USP8: variants seen among roughly 807,000 people sequenced by gnomAD.
The protein encoded by USP8 is ubiquitin specific peptidase 8.
A neutral mutation model predicts 130.0 loss-of-function variants in USP8; 27 were observed. The ratio of observed to expected loss-of-function variants is 0.21; its 90% CI spans 0.15 to 0.29. The LOEUF (loss-of-function observed/expected upper bound fraction) is 0.29, where lower values mean the gene tolerates loss of function less well. USP8 is among the 10% of genes least tolerant of loss of function. The pLI is 1.00. For synonymous variants in USP8, 392 were observed against 444.1 expected, an observed-to-expected ratio of 0.88 and a Z score of 1.48; for missense variants, 1,029 against 1,312.2, an observed-to-expected ratio of 0.78 and a Z score of 3.33.
intron 11 of USP8, among the ~76,000 whole-genome samples, chr15:50,483,470 AATAAGAT>A (rs1459383362): frequency 6.6e-6 from 1 of 152,232 alleles, no homozygotes; most frequent in African/African-American, 2.4e-5. Flanking sequence ...GTTATTTTAA[AATAAGAT>A]ATAAAACAAA....
chr15:50,476,255 C>A (rs560078960), intron 8 of USP8, among the ~76,000 whole-genome samples: 1 of 152,114 alleles, frequency 6.6e-6, no homozygotes, highest in Admixed American at 6.5e-5. Flanking sequence ...CATGGCGAAA[C>A]CCCAGCTCAC....
intron 7 of USP8, among the ~76,000 whole-genome samples, chr15:50,465,526 A>G (rs1259130193): frequency 2.0e-5 from 3 of 152,126 alleles, no homozygotes; most frequent in Non-Finnish European, 4.4e-5. Flanking sequence ...GGATTTGCCA[A>G]CTTTTGATTT....
At position 50,509,939 on chromosome 15, in the gene USP8, T is replaced by A. The variant is rs1182930283; in HGVS notation, c.*10851T>A. ...AATAAGAATAAAGTTGTGATGGTAA[T>A]GACTTAGGGAATAATGATGGTTCTT... On this transcript the variant is annotated 3_prime_UTR_variant, in exon 20 of 20. Coordinates refer to ENST00000307179, the MANE Select transcript of USP8 (RefSeq NM_005154.5). 7 of 152,122 alleles carry A rather than the reference T, an allele frequency of 4.6e-5. No homozygotes were observed. In the South Asian group the frequency reaches 1.2e-3, roughly 27 times the overall value. 9.4% of individuals were successfully genotyped at this position (152,122 alleles called of 1,614,324 possible). A position where few individuals can be genotyped will look rare whatever the true frequency, so the allele number is the denominator to read the frequency against.
At chr15:50,497,330 T>TA (rs113527256) in intron 18 of USP8, 99 bp downstream of exon 18, 232,537 of 1,408,832 alleles carry the variant, frequency 0.17, 21,255 homozygotes, top group Admixed American at 0.3. Context: ...CATGGGCACA[T>TA]AACAAAGGGC....
rs745649234 is a variant in USP8 at position 50,500,750 on chromosome 15, G to C, written c.*1662G>C. 3.8e-6 allele frequency: 6 copies of C among 1,575,538 alleles called. No individual in the cohort carries two copies. In the South Asian group the frequency reaches 7.0e-5, roughly 18 times the overall value. On this transcript the variant is annotated 3_prime_UTR_variant, in exon 20 of 20. Coordinates refer to ENST00000307179, the MANE Select transcript of USP8 (RefSeq NM_005154.5). ...GAAGTATCTGGAATCTCACTGACTCGTGTGTTATCAAAGCTATATCAGGCC... is the reference window on the plus strand; with the variant it reads ...GAAGTATCTGGAATCTCACTGACTCCTGTGTTATCAAAGCTATATCAGGCC...
At chr15:50,491,519 A>AT (rs1404715136) in intron 14 of USP8, among the ~76,000 whole-genome samples, 1 of 152,106 alleles carries the variant, frequency 6.6e-6, no homozygotes, top group Non-Finnish European at 1.5e-5. Context: ...CTGTTTGTGT[A>AT]TTTTTTTATA....
In USP8 at chr15:50,508,744, T is replaced by A. The variant is rs1421844619; in HGVS notation, c.*9656T>A. On this transcript the variant is annotated 3_prime_UTR_variant, in exon 20 of 20. Coordinates refer to ENST00000307179, the MANE Select transcript of USP8 (RefSeq NM_005154.5). ...CTGCCACAGTGGTTCATGCCTATAATCCCTGCACTTTGGGAGGCCAAGGCA... is the reference window on the plus strand; with the variant it reads ...CTGCCACAGTGGTTCATGCCTATAAACCCTGCACTTTGGGAGGCCAAGGCA... 3 of 152,040 alleles carry A rather than the reference T, an allele frequency of 2.0e-5. No individual in the cohort carries two copies. The highest frequency in any genetic ancestry group is 4.4e-5 in the Non-Finnish European group (3 of 68,030). The allele number at this position is 152,040 out of a possible 1,614,324, so 9.4% of individuals were successfully genotyped here.
intron 5 of USP8, among the ~76,000 whole-genome samples, chr15:50,461,634 CACAAGGT>C (rs1359285721): frequency 1.3e-5 from 2 of 152,010 alleles, no homozygotes; most frequent in African/African-American, 4.8e-5. Context: ...GCAGGCATAT[CACAAGGT>C]CAAGAGATCA....
chr15:50,492,264 A>G (rs563603688), intron 14 of USP8, among the ~76,000 whole-genome samples: 1 of 151,372 alleles, frequency 6.6e-6, no homozygotes, highest in Admixed American at 6.6e-5. Flanking sequence ...CTTGATATCT[A>G]CTCCACGGTA....
chr15:50,482,757 G>T (rs1285857390), intron 11 of USP8, among the ~76,000 whole-genome samples: 1 of 152,122 alleles, frequency 6.6e-6, no homozygotes, highest in Non-Finnish European at 1.5e-5. Context: ...ACCAAGAACA[G>T]TTATGGTCCT....
At position 50,431,965 on chromosome 15, in the gene USP8, C is replaced by G. The variant is rs1412303120; in HGVS notation, c.-65-7044C>G. Among the ~76,000 whole-genome samples, 7 of 152,238 alleles carry G rather than the reference C, an allele frequency of 4.6e-5. No individual in the cohort carries two copies. The East Asian group carries it at 1.4e-3, about 29-fold the overall frequency. On this transcript the variant is annotated intron_variant, in intron 1 of 19. Transcript: ENST00000307179. Reference sequence around the variant, plus strand: ...GCCACCATGCCCAGCCAGATGTCCTCCTTTCTTACCCTGTTCTTAGCTAAA... The same window carrying G: ...GCCACCATGCCCAGCCAGATGTCCTGCTTTCTTACCCTGTTCTTAGCTAAA...
intron 7 of USP8, among the ~76,000 whole-genome samples, chr15:50,465,784 A>G (rs980401714): frequency 2.0e-5 from 3 of 152,326 alleles, no homozygotes; most frequent in East Asian, 1.9e-4. Flanking sequence ...TTAAAAGAGT[A>G]TAGTCTCTGA....
intron 8 of USP8, among the ~76,000 whole-genome samples, chr15:50,475,324 A>G (rs2051527441): frequency 6.6e-6 from 1 of 152,174 alleles, no homozygotes; most frequent in South Asian, 2.1e-4. Flanking sequence ...CATAGTAAAT[A>G]AATGAAAAAA....
intron 11 of USP8, among the ~76,000 whole-genome samples, 187 bp from the exon 12 acceptor site, chr15:50,484,088 T>C (rs973082294): frequency 6.6e-6 from 1 of 152,138 alleles, no homozygotes; most frequent in South Asian, 2.1e-4. Flanking sequence ...CTTCACTGAT[T>C]CATCAGAGTT....
At chr15:50,458,240 C>A (rs1465229590) in intron 4 of USP8, among the ~76,000 whole-genome samples, 2 of 152,184 alleles carry the variant, frequency 1.3e-5, no homozygotes, top group Non-Finnish European at 2.9e-5. Flanking sequence ...CATCCTCCGC[C>A]TTCCCAGTTC....
intron 7 of USP8, among the ~76,000 whole-genome samples, chr15:50,469,699 GC>G (rs1194960071): frequency 6.6e-6 from 1 of 152,038 alleles, no homozygotes; most frequent in East Asian, 1.9e-4. Flanking sequence ...TACCAGTCCG[GC>G]CCAGCTTGCC....
rs35523535 is a variant in USP8 at position 50,513,518 on chromosome 15, T to TAAAA, written c.*14447_*14450dup. ...AGTTCGAGACAAGAGCGAAACTGTCTAAAAAAAAAAAAAAAAAAAAGAGTG... is the reference window on the plus strand; with the variant it reads ...AGTTCGAGACAAGAGCGAAACTGTCTAAAAAAAAAAAAAAAAAAAAAAAAGAGTG... On this transcript the variant is annotated 3_prime_UTR_variant, in exon 20 of 20. Coordinates refer to ENST00000307179, the MANE Select transcript of USP8 (RefSeq NM_005154.5). The TAAAA allele has an allele frequency of 9.3e-5, 8 of 85,946 alleles. No individual in the cohort carries two copies. Among genetic ancestry groups the TAAAA allele is most frequent in the Admixed American group, 2.7e-4 (2 of 7,460 alleles). The allele number at this position is 85,946 out of a possible 1,614,324, so 5.3% of individuals were successfully genotyped here.
In USP8 at chr15:50,492,684, T is replaced by TC. The variant is rs943105114; in HGVS notation, c.2235-15dup. 2.5e-6 allele frequency: 4 copies of TC among 1,609,398 alleles called. No individual in the cohort carries two copies. In the African/African-American group the frequency reaches 4.0e-5, roughly 16 times the overall value. ...GCTCAGCATTTTAAGACATCTTGTA[T>TC]CCTTTTTCTTCCTCAGGCCAACATG... is the stretch of plus-strand genomic sequence containing the variant. On this transcript the variant is annotated splice_polypyrimidine_tract_variant and intron_variant, in intron 14 of 19. Transcript: ENST00000307179.
At chr15:50,479,807 G>A (rs886234274) in intron 10 of USP8, among the ~76,000 whole-genome samples, 2 of 151,616 alleles carry the variant, frequency 1.3e-5, no homozygotes, top group African/African-American at 4.9e-5. Context: ...CACCCAGGCT[G>A]GAGTGCAGTG....
Sources: gnomAD v4.1 joint callset for allele counts (sites outside exome capture counted in the v4.1 genomes callset) on GRCh38, gnomAD v4.1.1 for gene constraint, MANE v1.5 for transcripts, NCBI Gene and HGNC (gene_info 2026-07-23, HGNC 2026-07-21) for gene names.